FUT9: variants seen among roughly 807,000 people sequenced by gnomAD.
The protein encoded by FUT9 is 4-galactosyl-N-acetylglucosaminide 3-alpha-L-fucosyltransferase 9.
A neutral mutation model predicts 29.7 loss-of-function variants in FUT9; 15 were observed. The ratio of observed to expected loss-of-function variants is 0.51; its 90% CI spans 0.34 to 0.78. FUT9 has a LOEUF of 0.78. Among genes scored for constraint, FUT9 ranks in the 30% least tolerant of loss-of-function variants. The pLI is 0.01. For missense variants in FUT9, 319 were observed against 425.4 expected, an observed-to-expected ratio of 0.75 and a Z score of 2.20; for synonymous variants, 169 against 153.7, an observed-to-expected ratio of 1.10 and a Z score of -0.74.
chr6:96,103,986 CAA>C (rs1237732161), intron 1 of FUT9, among the ~76,000 whole-genome samples: 1 of 152,264 alleles, frequency 6.6e-6, no homozygotes, highest in South Asian at 2.1e-4. Flanking sequence ...TGCCATAATT[CAA>C]TGCACAACAG....
intron 1 of FUT9, among the ~76,000 whole-genome samples, chr6:96,025,611 GGA>G (rs1159464593): frequency 2.0e-5 from 3 of 151,698 alleles, no homozygotes; most frequent in African/African-American, 4.8e-5. Flanking sequence ...GAGCAGGGAA[GGA>G]GAGAGACTTC....
intron 1 of FUT9, among the ~76,000 whole-genome samples, chr6:96,097,639 C>A (rs1355343481): frequency 6.6e-6 from 1 of 151,972 alleles, no homozygotes; most frequent in Non-Finnish European, 1.5e-5. Context: ...CAAACAATAA[C>A]AAATAAAATC....
chr6:96,115,851 T>C (rs956411352), intron 2 of FUT9, among the ~76,000 whole-genome samples: 2 of 152,188 alleles, frequency 1.3e-5, no homozygotes, highest in East Asian at 1.9e-4. Flanking sequence ...TTCTAAGCTA[T>C]ATACATGTTG....
At chr6:96,020,662 G>C (rs188643036) in intron 1 of FUT9, among the ~76,000 whole-genome samples, 16 of 152,124 alleles carry the variant, frequency 1.1e-4, no homozygotes, top group African/African-American at 3.6e-4. Context: ...ATTTCATCTA[G>C]GAAGAATAAC....
intron 1 of FUT9, among the ~76,000 whole-genome samples, chr6:96,059,778 T>G (rs1039598463): frequency 6.6e-6 from 1 of 152,194 alleles, no homozygotes; most frequent in Non-Finnish European, 1.5e-5. Context: ...TATCCCTTTT[T>G]CTTTGCAAAG....
intron 1 of FUT9, among the ~76,000 whole-genome samples, chr6:96,101,819 A>ATT (rs202104817): frequency 3.4e-4 from 47 of 137,000 alleles, no homozygotes; most frequent in African/African-American, 4.3e-4. Context: ...ACGCCCAGCT[A>ATT]TTTTTTTTTT....
chr6:96,181,207 C>A (rs1387584480), intron 2 of FUT9, among the ~76,000 whole-genome samples: 1 of 151,952 alleles, frequency 6.6e-6, no homozygotes, highest in African/African-American at 2.4e-5. Context: ...ATCAGACTCA[C>A]TTCAATGAAA....
chr6:96,034,626 C>T (rs777004678), intron 1 of FUT9, among the ~76,000 whole-genome samples: 25 of 151,626 alleles, frequency 1.6e-4, no homozygotes, highest in Non-Finnish European at 3.2e-4. Flanking sequence ...ATTTGAGAAG[C>T]AACGGAACAG....
In FUT9 at chr6:96,205,130, A is replaced by AT. The variant is rs569296521; in HGVS notation, c.*902dup. ...ATGTTTAATTATGTATCAATTTAAG[A>AT]TTTTTTTCTGAAGCCCTAATATTTA... On this transcript the variant is annotated 3_prime_UTR_variant, in exon 3 of 3. Transcript: ENST00000302103. 1 of 166,978 alleles carries AT rather than the reference A, an allele frequency of 6.0e-6. No individual in the cohort carries two copies. The highest frequency in any genetic ancestry group is 2.4e-5 in the African/African-American group (1 of 41,542). 10.3% of individuals were successfully genotyped at this position (166,978 alleles called of 1,614,324 possible).
intron 2 of FUT9, among the ~76,000 whole-genome samples, chr6:96,156,862 G>A (rs1292884359): frequency 6.6e-6 from 1 of 152,068 alleles, no homozygotes; most frequent in Non-Finnish European, 1.5e-5. Flanking sequence ...CCTTTTTAAT[G>A]TGTGCTGAGG....
At chr6:96,134,855 TCTTA>T (rs1772317993) in intron 2 of FUT9, among the ~76,000 whole-genome samples, 1 of 151,894 alleles carries the variant, frequency 6.6e-6, no homozygotes, top group South Asian at 2.1e-4. Context: ...TTTTTATTAG[TCTTA>T]CTTAGTTTCC....
At chr6:96,174,115 T>C (rs969962144) in intron 2 of FUT9, among the ~76,000 whole-genome samples, 1 of 152,086 alleles carries the variant, frequency 6.6e-6, no homozygotes, top group African/African-American at 2.4e-5. Flanking sequence ...GGTTTTGCAG[T>C]CACAGACCAC....
At chr6:96,162,815 G>C (rs752317643) in intron 2 of FUT9, among the ~76,000 whole-genome samples, 20 of 152,082 alleles carry the variant, frequency 1.3e-4, no homozygotes, top group Non-Finnish European at 2.9e-4. Flanking sequence ...TGTCATACTG[G>C]AGCCCTTTTG....
chr6:96,060,560 G>A (rs1343730040), intron 1 of FUT9, among the ~76,000 whole-genome samples: 1 of 145,896 alleles, frequency 6.9e-6, no homozygotes, highest in African/African-American at 2.6e-5. Context: ...TTTTTGACAT[G>A]GAGTCTCTCT....
chr6:96,047,753 A>G (rs1770589394), intron 1 of FUT9, among the ~76,000 whole-genome samples: 1 of 152,218 alleles, frequency 6.6e-6, no homozygotes, highest in Admixed American at 6.5e-5. Context: ...GAGAAAATAT[A>G]AGATGACTTA....
chr6:96,122,291 T>C (rs1303351583), intron 2 of FUT9, among the ~76,000 whole-genome samples: 2 of 152,186 alleles, frequency 1.3e-5, no homozygotes, highest in Non-Finnish European at 2.9e-5. Context: ...ATCAGGAGTG[T>C]CTAGAACCCC....
chr6:96,149,762 T>C (rs1772642502), intron 2 of FUT9, among the ~76,000 whole-genome samples: 1 of 152,220 alleles, frequency 6.6e-6, no homozygotes, highest in African/African-American at 2.4e-5. Context: ...ATGTGATGTT[T>C]GGATACAGTA....
intron 2 of FUT9, among the ~76,000 whole-genome samples, chr6:96,180,258 A>G (rs1311923484): frequency 6.6e-6 from 1 of 152,120 alleles, no homozygotes; most frequent in Non-Finnish European, 1.5e-5. Context: ...TTCATTTTAC[A>G]TGCACAAATC....
At chr6:96,022,268 A>C in intron 1 of FUT9, among the ~76,000 whole-genome samples, 1 of 152,088 alleles carries the variant, frequency 6.6e-6, no homozygotes, top group East Asian at 1.9e-4. Flanking sequence ...AATTTAACCC[A>C]CTAAGTTAAG....
Sources: gnomAD v4.1 joint callset for allele counts (sites outside exome capture counted in the v4.1 genomes callset) on GRCh38, gnomAD v4.1.1 for gene constraint, MANE v1.5 for transcripts, NCBI Gene and HGNC (gene_info 2026-07-23, HGNC 2026-07-21) for gene names.